The following KDR variants were observed in gnomAD, a reference collection of about 807,000 sequenced individuals.
KDR encodes the protein vascular endothelial growth factor receptor 2.
A neutral mutation model predicts 160.9 loss-of-function variants in KDR; 43 were observed. The observed-to-expected ratio is 0.27, with a 90% CI of 0.21 to 0.34. The LOEUF (loss-of-function observed/expected upper bound fraction) is 0.34, where lower values mean the gene tolerates loss of function less well. KDR is among the 10% of genes least tolerant of loss of function. KDR has a pLI of 1.00. For synonymous variants in KDR, 617 were observed against 600.1 expected (o/e 1.03, Z -0.41); for missense variants, 1,469 against 1,666.4 (o/e 0.88, Z 2.06).
intron 1 of KDR, among the ~76,000 whole-genome samples, chr4:55,123,158 G>A (rs1720938904): frequency 6.6e-6 from 1 of 152,084 alleles, no homozygotes; most frequent in African/African-American, 2.4e-5. Context: ...AATGAAACCT[G>A]GAGTCCCACT....
chr4:55,119,992 A>T (rs1396175339), intron 2 of KDR, among the ~76,000 whole-genome samples: 2 of 152,210 alleles, frequency 1.3e-5, no homozygotes, highest in Non-Finnish European at 2.9e-5. Context: ...GCAGAGTTTT[A>T]AAAAGGGAGC....
In KDR at chr4:55,101,870, TACC is replaced by T. The variant is rs1720318605; in HGVS notation, c.2266+24_2266+26del. 6 of 1,590,612 alleles carry T rather than the reference TACC, an allele frequency of 3.8e-6. No individual in the cohort carries two copies. The East Asian group carries it at 1.3e-4, about 36-fold the overall frequency. On this transcript the variant is annotated intron_variant, in intron 15 of 29. Coordinates refer to ENST00000263923, the MANE Select transcript of KDR (RefSeq NM_002253.4). ...TGCATAGCATTCCATGGTGTATATG[TACC>T]ACATTTTTTTTTATCCCACTGACCT...
chr4:55,098,219 A>G lies in KDR; in HGVS notation c.2427T>C (p.Asp809=). The change falls in exon 17 of 30, where the codon GAT becomes GAC. Residue 809 remains aspartate (D), a synonymous_variant. Coordinates refer to ENST00000263923, the MANE Select transcript of KDR (RefSeq NM_002253.4). The stretch of plus-strand genomic sequence containing the variant: ...CACAATGTTCATCCAATGGGAGTTC[A>G]TCTGGATCCATGACGATGGACAAGT... ...TGYLSIVMDP[D]ELPLDEHCER... is the part of the protein sequence containing the mutation. The G allele has an allele frequency of 6.2e-7, 1 of 1,613,866 alleles. No individual in the cohort carries two copies. The highest frequency in any genetic ancestry group is 8.5e-7 in the Non-Finnish European group (1 of 1,179,798).
chr4:55,097,367 T>C (rs73816207), intron 18 of KDR, among the ~76,000 whole-genome samples: 1,836 of 152,222 alleles, frequency 0.012, 28 homozygotes, highest in African/African-American at 0.042. Context: ...ATAACCACAG[T>C]CCTTTTTCCC....
intron 21 of KDR, among the ~76,000 whole-genome samples, chr4:55,094,180 G>T (rs2045304272): frequency 6.6e-6 from 1 of 152,122 alleles, no homozygotes; most frequent in South Asian, 2.1e-4. Flanking sequence ...TTGCACTCCA[G>T]CCTGGGCAAC....
chr4:55,114,059 C>T, intron 6 of KDR, 67 bp downstream of exon 6: 1 of 1,585,736 alleles, frequency 6.3e-7, no homozygotes, highest in Non-Finnish European at 8.7e-7. Flanking sequence ...CCCTATCTCT[C>T]AAGCAAACTT....
In KDR at chr4:55,113,396, T is replaced by C. The variant is rs770577863; in HGVS notation, c.884A>G (p.Asp295Gly). 3.1e-6 allele frequency: 5 copies of C among 1,614,072 alleles called. No individual in the cohort carries two copies. The highest frequency in any genetic ancestry group is 4.2e-6 in the Non-Finnish European group (5 of 1,179,952). Residue 295 changes from aspartate to glycine, a missense_variant, in exon 7 of 30, where the codon GAT becomes GGT. Transcript: ENST00000263923. ...MKKFLSTLTI[D>G]GVTRSDQGLY... is the part of the protein sequence containing the mutation. ...TCCTTGGTCACTCCGGGTTACACCA[T>C]CTATAGTTAAGGTGCTCAAAAATTT...
At chr4:55,117,759 T>C (rs985499845) in intron 3 of KDR, among the ~76,000 whole-genome samples, 9 of 152,152 alleles carry the variant, frequency 5.9e-5, no homozygotes, top group African/African-American at 1.9e-4. Flanking sequence ...TTATCTTCAC[T>C]GAAAAGAAAA....
chr4:55,124,810 G>A (rs371362172), intron 1 of KDR, among the ~76,000 whole-genome samples: 2 of 152,140 alleles, frequency 1.3e-5, no homozygotes, highest in African/African-American at 4.8e-5. Context: ...TGAGATTCCG[G>A]CAAGGTTTTC....
chr4:55,124,833 G>A (rs1439766110), intron 1 of KDR, among the ~76,000 whole-genome samples: 1 of 152,130 alleles, frequency 6.6e-6, no homozygotes, highest in African/African-American at 2.4e-5. Context: ...CCCCGGGCCC[G>A]GACTAGGATG....
intron 22 of KDR, among the ~76,000 whole-genome samples, chr4:55,090,849 CTTTTTTTT>C (rs61138010): frequency 2.4e-5 from 2 of 84,050 alleles, no homozygotes; most frequent in Admixed American, 1.6e-4. Flanking sequence ...TAGAAGAAAA[CTTTTTTTT>C]TTTTTTTTTT....
At chr4:55,109,935 C>T (rs1720535024) in intron 9 of KDR, among the ~76,000 whole-genome samples, 1 of 152,186 alleles carries the variant, frequency 6.6e-6, no homozygotes, top group African/African-American at 2.4e-5. Context: ...ACCAAGCCAA[C>T]AGTGTCAACT....
rs745431769 is a variant in KDR, at chr4:55,098,776, A to T, written c.2294T>A (p.Ile765Asn). The T allele has an allele frequency of 6.2e-7, 1 of 1,613,158 alleles. No homozygotes were observed. Among genetic ancestry groups the T allele is most frequent in the Non-Finnish European group, 8.5e-7 (1 of 1,179,346 alleles). Residue 765 changes from isoleucine (I) to asparagine (N), a missense_variant, in exon 16 of 30, where the codon ATC (isoleucine) becomes AAC (asparagine). Transcript: ENST00000263923. ...CACCGCCGTGCCTACTAGAATAATG[A>T]TTTCCAAGTTCGTCTTTTCCTGGGC... is the stretch of plus-strand genomic sequence containing the variant. Reference protein sequence around the residue: ...EGAQEKTNLEIIILVGTAVIA... With the variant: ...EGAQEKTNLENIILVGTAVIA...
Position 55,125,424 on chromosome 4 carries a change from G to C in KDR, c.-131C>G, listed in dbSNP as rs1262439380. On this transcript the variant is annotated 5_prime_UTR_variant, in exon 1 of 30. Transcript: ENST00000263923. ...AGCGCAGGACAGTTGAGCGCACAGG[G>C]CTAGGGAGCCCGGGCGCCGACCGCG... 6.7e-6 allele frequency: 8 copies of C among 1,196,046 alleles called. 1 individual carries two copies. The highest frequency in any genetic ancestry group is 2.8e-4 in the Middle Eastern group (1 of 3,632). The allele number at this position is 1,196,046 out of a possible 1,614,324, so 74.1% of individuals were successfully genotyped here.
chr4:55,090,793 T>G (rs529210250), intron 22 of KDR, among the ~76,000 whole-genome samples: 1 of 152,010 alleles, frequency 6.6e-6, no homozygotes. Context: ...CATGATATTT[T>G]GTAAGAAAAT....
chr4:55,123,531 C>A (rs1014814747), intron 1 of KDR, among the ~76,000 whole-genome samples: 2 of 152,148 alleles, frequency 1.3e-5, no homozygotes, highest in Non-Finnish European at 2.9e-5. Flanking sequence ...TCTAGAGACA[C>A]GTTTACAACA....
intron 29 of KDR, among the ~76,000 whole-genome samples, chr4:55,080,826 G>C (rs1719713399): frequency 6.6e-6 from 1 of 152,178 alleles, no homozygotes; most frequent in African/African-American, 2.4e-5. Context: ...AGGCTGTGTT[G>C]ATCTAAAACT....
rs745602012 is a variant in KDR, at chr4:55,107,867, G to A, written c.1282C>T (p.Leu428=). 6.2e-7 allele frequency: 1 copy of A among 1,613,938 alleles called. No individual in the cohort carries two copies. The highest frequency in any genetic ancestry group is 1.1e-5 in the South Asian group (1 of 91,084). Reference sequence around the variant, plus strand: ...TGGTAGGAATCCACAGGAGAGATTAGAGATTTCTCACCAATCTGGGGTGGG... The same window carrying A: ...TGGTAGGAATCCACAGGAGAGATTAAAGATTTCTCACCAATCTGGGGTGGG... ...YVPPQIGEKS[L]ISPVDSYQYG... Residue 428 remains leucine (L), a synonymous_variant, in exon 10 of 30, where the codon CTA becomes TTA. Coordinates refer to ENST00000263923, the MANE Select transcript of KDR (RefSeq NM_002253.4).
intron 2 of KDR, among the ~76,000 whole-genome samples, chr4:55,120,214 A>T (rs1720834417): frequency 6.6e-6 from 1 of 152,164 alleles, no homozygotes; most frequent in African/African-American, 2.4e-5. Flanking sequence ...CTTAGTATTC[A>T]ACAAGTATGA....
Sources: allele counts gnomAD v4.1 joint callset (sites outside exome capture counted in the v4.1 genomes callset), GRCh38; gene constraint gnomAD v4.1.1; transcripts MANE v1.5; gene names NCBI Gene and HGNC (gene_info 2026-07-23, HGNC 2026-07-21).